TPST1: variants seen among roughly 807,000 people sequenced by gnomAD.
The protein encoded by TPST1 is protein-tyrosine sulfotransferase 1.
TPST1 carries 20 observed loss-of-function variants against 34.8 expected under a neutral mutation model. The ratio of observed to expected loss-of-function variants is 0.57; its 90% CI spans 0.40 to 0.84. TPST1 has a LOEUF of 0.84. Among genes scored for constraint, TPST1 ranks in the 40% least tolerant of loss-of-function variants. The probability of loss-of-function intolerance (pLI) is 0.00; values close to 1 mark genes in which losing one functional copy is unlikely to be tolerated. For missense variants in TPST1, 353 were observed against 455.5 expected (o/e 0.78, Z 2.05); for synonymous variants, 152 against 159.4 (o/e 0.95, Z 0.35).
At chr7:66,319,084 T>G (rs1451695840) in intron 3 of TPST1, among the ~76,000 whole-genome samples, 1 of 152,208 alleles carries the variant, frequency 6.6e-6, no homozygotes, top group Non-Finnish European at 1.5e-5. Context: ...TGTTTTGTTT[T>G]GTATATTTAT....
chr7:66,312,246 T>C (rs1791546163), intron 3 of TPST1, among the ~76,000 whole-genome samples: 1 of 152,224 alleles, frequency 6.6e-6, no homozygotes, highest in Non-Finnish European at 1.5e-5. Context: ...AGAGTACTTT[T>C]TGAGAGCAAG....
chr7:66,303,888 A>C (rs757425214), intron 3 of TPST1, among the ~76,000 whole-genome samples: 1 of 152,194 alleles, frequency 6.6e-6, no homozygotes, highest in Non-Finnish European at 1.5e-5. Context: ...GGAACCAAGA[A>C]AAGGGATATT....
chr7:66,267,354 A>G (rs1790612160), intron 2 of TPST1, among the ~76,000 whole-genome samples: 1 of 152,166 alleles, frequency 6.6e-6, no homozygotes, highest in African/African-American at 2.4e-5. Context: ...TGGTTCTGTT[A>G]TTTCACGCTG....
At position 66,259,838 on chromosome 7, in the gene TPST1, A is replaced by G. The variant is rs372262878; in HGVS notation, c.845+18568A>G. Reference sequence around the variant, plus strand: ...ATTCTGTGGGTTTTGACAAATGTATACTACCATATATCTACCATTTTAGTA... The same window carrying G: ...ATTCTGTGGGTTTTGACAAATGTATGCTACCATATATCTACCATTTTAGTA... On this transcript the variant is annotated intron_variant, in intron 2 of 5. Coordinates refer to ENST00000304842, the MANE Select transcript of TPST1 (RefSeq NM_003596.4). 7.9e-5 allele frequency among the ~76,000 whole-genome samples: 12 copies of G among 152,322 alleles called. No individual in the cohort carries two copies. In the East Asian group the frequency reaches 9.6e-4, roughly 12 times the overall value.
rs1032495031 is a variant in TPST1, at chr7:66,205,366, G to C, written c.-258G>C. 6.6e-6 allele frequency: 1 copy of C among 152,252 alleles called. No individual in the cohort carries two copies. Among genetic ancestry groups the C allele is most frequent in the Non-Finnish European group, 1.5e-5 (1 of 68,072 alleles). The allele number at this position is 152,252 out of a possible 1,614,324, so 9.4% of individuals were successfully genotyped here. ...GCTGAGGCGGCTTCGGTTGCGGGTC[G>C]GAACGGCGCTGCTCTGCGGGGCCGG... On this transcript the variant is annotated 5_prime_UTR_variant, in exon 1 of 6. Transcript: ENST00000304842. The surrounding 1 kb of genome is among the most constrained non-coding windows in gnomAD (Gnocchi z 5.0).
At chr7:66,344,859 G>A (rs1179176271) in intron 3 of TPST1, among the ~76,000 whole-genome samples, 1 of 151,498 alleles carries the variant, frequency 6.6e-6, no homozygotes, top group East Asian at 2.0e-4. Context: ...TAGTAGCTGG[G>A]ACTACAGGTG....
In TPST1 at chr7:66,328,903, TA is replaced by T. The variant is rs1289744151; in HGVS notation, c.1045-23601del. 1.2e-3 allele frequency among the ~76,000 whole-genome samples: 73 copies of T among 60,174 alleles called. 1 individual carries two copies. Among genetic ancestry groups the T allele is most frequent in the East Asian group, 5.7e-3 (13 of 2,270 alleles). The allele number at this position is 60,174 out of a possible 152,430, so 39.5% of individuals were successfully genotyped here. On this transcript the variant is annotated intron_variant, in intron 3 of 5. Transcript: ENST00000304842. ...CTCTCTCTCTATATATATATATATA[TA>T]TATTTTTTTTTTTTTTTTTTTTTTT...
Position 66,224,901 on chromosome 7 carries a change from C to CTTTTTTTTTTTTTTTTT in TPST1, c.-101-15409_-101-15393dup, listed in dbSNP as rs780952403. 5.0e-4 allele frequency among the ~76,000 whole-genome samples: 21 copies of CTTTTTTTTTTTTTTTTT among 42,408 alleles called. 6 individuals carry two copies. Among genetic ancestry groups the CTTTTTTTTTTTTTTTTT allele is most frequent in the East Asian group, 2.4e-3 (3 of 1,230 alleles). The allele number at this position is 42,408 out of a possible 152,430, so 27.8% of individuals were successfully genotyped here. A position where few individuals can be genotyped will look rare whatever the true frequency, so the allele number is the denominator to read the frequency against. ...AACTGAGCCTGAACATTCTGGTATT[C>CTTTTTTTTTTTTTTTTT]TTTTTTTTTTTTTTTTTTTTTTTTT... On this transcript the variant is annotated intron_variant, in intron 1 of 5. Coordinates refer to ENST00000304842, the MANE Select transcript of TPST1 (RefSeq NM_003596.4).
Position 66,240,668 on chromosome 7 carries a change from A to T in TPST1, c.243A>T (p.Gly81=), listed in dbSNP as rs778984270. ...LIFIGGVPRS[G]TTLMRAMLDA... Reference sequence around the variant, plus strand: ...TTATTGGAGGTGTGCCTCGGAGTGGAACCACACTCATGAGGGCCATGCTGG... The same window carrying T: ...TTATTGGAGGTGTGCCTCGGAGTGGTACCACACTCATGAGGGCCATGCTGG... The change falls in exon 2 of 6, where the codon GGA becomes GGT. Residue 81 remains glycine (G), a synonymous_variant. Coordinates refer to ENST00000304842, the MANE Select transcript of TPST1 (RefSeq NM_003596.4). 1 of 1,614,220 alleles carries T rather than the reference A, an allele frequency of 6.2e-7. No individual in the cohort carries two copies. The highest frequency in any genetic ancestry group is 1.1e-5 in the South Asian group (1 of 91,084).
At chr7:66,274,097 G>C (rs939589817) in intron 2 of TPST1, among the ~76,000 whole-genome samples, 6 of 149,566 alleles carry the variant, frequency 4.0e-5, no homozygotes. Flanking sequence ...AGCTGGGCAC[G>C]GTGGCTGACG....
intron 2 of TPST1, among the ~76,000 whole-genome samples, chr7:66,282,769 C>T (rs534207140): frequency 2.4e-4 from 37 of 152,180 alleles, no homozygotes; most frequent in Non-Finnish European, 3.4e-4. Flanking sequence ...CCAACCAGAC[C>T]GTGACCTCCT....
chr7:66,231,154 C>T (rs1789780756), intron 1 of TPST1, among the ~76,000 whole-genome samples: 1 of 152,302 alleles, frequency 6.6e-6, no homozygotes, highest in South Asian at 2.1e-4. Flanking sequence ...ACTCACAAAC[C>T]CTGAGCTAAC....
upstream of TPST1, among the ~76,000 whole-genome samples, chr7:66,200,751 G>T (rs918971841): frequency 1.3e-5 from 2 of 151,806 alleles, no homozygotes; most frequent in African/African-American, 2.4e-5. Context: ...TTTTGAGACA[G>T]AGATTTGCGC....
At chr7:66,202,284 G>C (rs556801988), upstream of TPST1, among the ~76,000 whole-genome samples, 2 of 152,272 alleles carry the variant, frequency 1.3e-5, no homozygotes, top group African/African-American at 4.8e-5. Context: ...GACCCTGTCA[G>C]AGGCTGGACC....
At chr7:66,340,919 G>T (rs1792224467) in intron 3 of TPST1, among the ~76,000 whole-genome samples, 1 of 152,154 alleles carries the variant, frequency 6.6e-6, no homozygotes, top group African/African-American at 2.4e-5. Context: ...GCTGAGGCAG[G>T]AGAATCACTT....
intron 2 of TPST1, among the ~76,000 whole-genome samples, chr7:66,266,149 G>A (rs1293222851): frequency 6.6e-6 from 1 of 152,156 alleles, no homozygotes; most frequent in Non-Finnish European, 1.5e-5. Context: ...AACTGCCAGA[G>A]GACAGGAAGG....
At chr7:66,335,648 G>A (rs1269948333) in intron 3 of TPST1, among the ~76,000 whole-genome samples, 1 of 151,868 alleles carries the variant, frequency 6.6e-6, no homozygotes, top group African/African-American at 2.4e-5. Flanking sequence ...TGTTTTGAAC[G>A]GCAGGGCAAG....
At chr7:66,357,534 A>G (rs767280632) in intron 5 of TPST1, among the ~76,000 whole-genome samples, 3 of 152,218 alleles carry the variant, frequency 2.0e-5, no homozygotes, top group Non-Finnish European at 2.9e-5. Context: ...TACATTGTAG[A>G]CAAGGCCAGC....
At chr7:66,273,249 C>G (rs915026413) in intron 2 of TPST1, among the ~76,000 whole-genome samples, 1 of 152,078 alleles carries the variant, frequency 6.6e-6, no homozygotes, top group African/African-American at 2.4e-5. Context: ...GACTTGTACA[C>G]TAAGAACTAT....
Sources: allele counts gnomAD v4.1 joint callset (sites outside exome capture counted in the v4.1 genomes callset), GRCh38; gene constraint gnomAD v4.1.1; non-coding constraint Gnocchi (gnomAD v3.1); transcripts MANE v1.5; gene names NCBI Gene and HGNC (gene_info 2026-07-23, HGNC 2026-07-21).